RAB8B: variants seen among roughly 807,000 people sequenced by gnomAD.
RAB8B encodes ras-related protein Rab-8B.
Under a neutral mutation model 32.0 loss-of-function variants are expected in RAB8B, and 11 were observed. That is an observed-to-expected ratio of 0.34 (90% CI 0.22 to 0.57). The LOEUF (loss-of-function observed/expected upper bound fraction) is 0.57, where lower values mean the gene tolerates loss of function less well. Ranked by LOEUF, RAB8B falls within the 20% of genes least tolerant of loss-of-function variation. The pLI is 0.86. For synonymous variants in RAB8B, 103 were observed against 89.6 expected (o/e 1.15, Z -0.85); for missense variants, 190 against 258.5 (o/e 0.73, Z 1.82).
chr15:63,248,810 C>G lies in RAB8B; in HGVS notation c.186-835C>G, dbSNP rs1425824435. On this transcript the variant is annotated intron_variant, in intron 2 of 7. Transcript: ENST00000321437. The surrounding 1 kb of genome is among the most constrained non-coding windows in gnomAD (Gnocchi z 4.4). Reference sequence around the variant, plus strand: ...ATACTAGATTTCTAGTATATTTCCACAAATGCCTCTTTCTCTCCTGCAATT... The same window carrying G: ...ATACTAGATTTCTAGTATATTTCCAGAAATGCCTCTTTCTCTCCTGCAATT... 6.6e-6 allele frequency among the ~76,000 whole-genome samples: 1 copy of G among 152,136 alleles called. No individual in the cohort carries two copies. The highest frequency in any genetic ancestry group is 1.9e-4 in the East Asian group (1 of 5,198).
intron 3 of RAB8B, among the ~76,000 whole-genome samples, chr15:63,250,228 A>C (rs1395126839): frequency 6.6e-6 from 1 of 152,200 alleles, no homozygotes; most frequent in African/African-American, 2.4e-5. Flanking sequence ...TAACTTATAG[A>C]TGTTCTAGAA....
intron 1 of RAB8B, among the ~76,000 whole-genome samples, chr15:63,198,790 GTTGAATTGTAAATTCGTTTC>G (rs1374711649): frequency 6.6e-6 from 1 of 152,162 alleles, no homozygotes; most frequent in Non-Finnish European, 1.5e-5. Flanking sequence ...TCTATTAAAA[GTTGAATTGTAAATTCGTTTC>G]TTATGCAATA....
chr15:63,198,098 G>A (rs2037618482), intron 1 of RAB8B, among the ~76,000 whole-genome samples: 1 of 152,048 alleles, frequency 6.6e-6, no homozygotes, highest in African/African-American at 2.4e-5. Context: ...CCTGAAAGGA[G>A]GTAGGTACCT....
rs578074706 is a variant in RAB8B at position 63,197,781 on chromosome 15, G to A, written c.124+8033G>A. Among the ~76,000 whole-genome samples, 24 of 152,234 alleles carry A rather than the reference G, an allele frequency of 1.6e-4. No individual in the cohort carries two copies. The South Asian group carries it at 5.0e-3, about 32-fold the overall frequency. On this transcript the variant is annotated intron_variant, in intron 1 of 7. Coordinates refer to ENST00000321437, the MANE Select transcript of RAB8B (RefSeq NM_016530.3). ...CTGATGGATTGGTAGTGGCTGCCAG[G>A]AATGCTGTGTTCTGTTGAGTTCTGA...
At chr15:63,252,455 C>T (rs1475648762) in intron 3 of RAB8B, among the ~76,000 whole-genome samples, 5 of 152,172 alleles carry the variant, frequency 3.3e-5, no homozygotes, top group African/African-American at 4.8e-5. Context: ...AGTTAGAAGC[C>T]TCAGACTCTA....
intron 1 of RAB8B, among the ~76,000 whole-genome samples, chr15:63,210,458 G>C (rs2037737712): frequency 6.6e-6 from 1 of 152,176 alleles, no homozygotes; most frequent in Admixed American, 6.5e-5. Context: ...TTGTTACTGA[G>C]ACTGAATTGT....
At chr15:63,244,412 A>C (rs1248261713) in intron 1 of RAB8B, among the ~76,000 whole-genome samples, 2 of 152,214 alleles carry the variant, frequency 1.3e-5, no homozygotes, top group Non-Finnish European at 2.9e-5. Context: ...ATTGGGGTTG[A>C]GGAGTAGATA....
Position 63,264,993 on chromosome 15 carries a change from G to T in RAB8B, c.*1374G>T, listed in dbSNP as rs1176248045. 6.6e-6 allele frequency: 1 copy of T among 152,622 alleles called. No homozygotes were observed. Among genetic ancestry groups the T allele is most frequent in the Non-Finnish European group, 1.5e-5 (1 of 68,034 alleles). The allele number at this position is 152,622 out of a possible 1,614,324, so 9.5% of individuals were successfully genotyped here. On this transcript the variant is annotated 3_prime_UTR_variant, in exon 8 of 8. Coordinates refer to ENST00000321437, the MANE Select transcript of RAB8B (RefSeq NM_016530.3). The stretch of plus-strand genomic sequence containing the variant: ...CTTTTGTAGATGAAACCATCACAAG[G>T]TATTTAGTGTTAACTTGTGTGCCAA...
intron 5 of RAB8B, among the ~76,000 whole-genome samples, chr15:63,257,262 CT>C (rs554753766): frequency 0.036 from 5,071 of 139,356 alleles, 75 homozygotes; most frequent in South Asian, 0.093. Flanking sequence ...ATTTTCTTTT[CT>C]TTTTTTTTTT....
chr15:63,223,974 T>A (rs902201903), intron 1 of RAB8B: 12 of 276,272 alleles, frequency 4.3e-5, no homozygotes, highest in African/African-American at 2.6e-4. Context: ...AGCACTGTGG[T>A]GTTGGGTAAG....
chr15:63,243,489 T>C (rs115239896), intron 1 of RAB8B, among the ~76,000 whole-genome samples: 3 of 152,254 alleles, frequency 2.0e-5, no homozygotes, highest in African/African-American at 7.2e-5. Context: ...GTCTTTGAAA[T>C]TGATAAATAA....
intron 1 of RAB8B, among the ~76,000 whole-genome samples, chr15:63,197,125 C>T (rs1258536791): frequency 6.6e-6 from 1 of 151,552 alleles, no homozygotes; most frequent in Admixed American, 6.6e-5. Context: ...CTGGACTGAG[C>T]GTTTGGGTTG....
chr15:63,235,425 T>C (rs1210011664), intron 1 of RAB8B, among the ~76,000 whole-genome samples: 1 of 152,108 alleles, frequency 6.6e-6, no homozygotes, highest in East Asian at 1.9e-4. Flanking sequence ...GTTACTAATA[T>C]TTGCTTTTTA....
At chr15:63,192,801 G>A (rs370608858) in intron 1 of RAB8B, among the ~76,000 whole-genome samples, 6 of 152,202 alleles carry the variant, frequency 3.9e-5, no homozygotes, top group East Asian at 1.9e-4. Flanking sequence ...CTTCTCTAAG[G>A]TCTTGCTATT....
At chr15:63,247,519 G>C (rs890579671) in intron 2 of RAB8B, among the ~76,000 whole-genome samples, 1 of 152,108 alleles carries the variant, frequency 6.6e-6, no homozygotes, top group African/African-American at 2.4e-5. Context: ...TAACCTCCTA[G>C]AAGCTGGTTT....
intron 3 of RAB8B, among the ~76,000 whole-genome samples, chr15:63,254,836 C>T (rs185422033): frequency 0.01 from 1,560 of 152,058 alleles, 14 homozygotes; most frequent in Non-Finnish European, 0.015. Flanking sequence ...GGCGTGAACC[C>T]GGGAGGTGGA....
At chr15:63,206,619 C>T (rs117340042) in intron 1 of RAB8B, among the ~76,000 whole-genome samples, 2,884 of 152,162 alleles carry the variant, frequency 0.019, 46 homozygotes, top group Non-Finnish European at 0.031. Flanking sequence ...CCCTGGCAGT[C>T]ATTCCCCTCC....
At chr15:63,228,517 A>T (rs1367433935) in intron 1 of RAB8B, among the ~76,000 whole-genome samples, 1 of 152,248 alleles carries the variant, frequency 6.6e-6, no homozygotes, top group Non-Finnish European at 1.5e-5. Flanking sequence ...TGGTCATAAA[A>T]CACAGCATGT....
At chr15:63,255,419 G>A (rs1296126814) in intron 3 of RAB8B, 88 bp from the exon 4 acceptor site, 1 of 853,168 alleles carries the variant, frequency 1.2e-6, no homozygotes, top group African/African-American at 1.7e-5. Context: ...CAAACAAAAG[G>A]TTTCTGGAGG....
Sources: gnomAD v4.1 joint callset for allele counts (sites outside exome capture counted in the v4.1 genomes callset) on GRCh38, gnomAD v4.1.1 for gene constraint, Gnocchi (gnomAD v3.1) non-coding constraint, MANE v1.5 for transcripts, NCBI Gene and HGNC (gene_info 2026-07-23, HGNC 2026-07-21) for gene names.